The following KCTD5 variants were observed in gnomAD, a reference collection of about 807,000 sequenced individuals.
KCTD5 encodes the protein BTB/POZ domain-containing protein KCTD5.
KCTD5 carries 12 observed loss-of-function variants against 27.9 expected under a neutral mutation model. The ratio of observed to expected loss-of-function variants is 0.43; its 90% CI spans 0.28 to 0.70. KCTD5 has a LOEUF of 0.70. Ranked by LOEUF, KCTD5 falls within the 30% of genes least tolerant of loss-of-function variation. The probability of loss-of-function intolerance (pLI) is 0.19; values close to 1 mark genes in which losing one functional copy is unlikely to be tolerated. For synonymous variants in KCTD5, 147 were observed against 121.4 expected, an observed-to-expected ratio of 1.21 and a Z score of -1.39; for missense variants, 226 against 274.8, an observed-to-expected ratio of 0.82 and a Z score of 1.26.
chr16:2,706,742 C>A (rs898753282), intron 5 of KCTD5, among the ~76,000 whole-genome samples: 4 of 150,006 alleles, frequency 2.7e-5, no homozygotes, highest in Admixed American at 2.0e-4. Flanking sequence ...ATCCCCGCAG[C>A]GTGATCTGCA....
At chr16:2,704,499 C>A (rs1474281597) in intron 5 of KCTD5, among the ~76,000 whole-genome samples, 2 of 152,352 alleles carry the variant, frequency 1.3e-5, no homozygotes, top group African/African-American at 4.8e-5. Context: ...ACGCCAGTCC[C>A]TCAAGAACTT....
chr16:2,693,186 C>T (rs1461504486), intron 1 of KCTD5, among the ~76,000 whole-genome samples: 1 of 152,258 alleles, frequency 6.6e-6, no homozygotes, highest in Non-Finnish European at 1.5e-5. Context: ...ATCGGGGCCC[C>T]TCTCCACCCA....
Position 2,708,989 on chromosome 16 carries a change from A to C in KCTD5, c.*1662A>C, listed in dbSNP as rs931430025. 5.3e-5 allele frequency: 8 copies of C among 152,232 alleles called. No homozygotes were observed. The highest frequency in any genetic ancestry group is 1.9e-4 in the African/African-American group (8 of 41,444). 9.4% of individuals were successfully genotyped at this position (152,232 alleles called of 1,614,324 possible). A position where few individuals can be genotyped will look rare whatever the true frequency, so the allele number is the denominator to read the frequency against. ...TTATCAGCTTACAGTTTAATGCCTA[A>C]GTTTCCCCTGGAAATAGCAAATAAA... On this transcript the variant is annotated 3_prime_UTR_variant, in exon 6 of 6. Coordinates refer to ENST00000301738, the MANE Select transcript of KCTD5 (RefSeq NM_018992.4).
Position 2,702,619 on chromosome 16 carries a change from G to A in KCTD5, c.675+141G>A, listed in dbSNP as rs181320131. 169 of 1,155,584 alleles carry A rather than the reference G, an allele frequency of 1.5e-4. No homozygotes were observed. The East Asian group carries it at 4.3e-3, about 29-fold the overall frequency. The allele number at this position is 1,155,584 out of a possible 1,614,324, so 71.6% of individuals were successfully genotyped here. A position where few individuals can be genotyped will look rare whatever the true frequency, so the allele number is the denominator to read the frequency against. The stretch of plus-strand genomic sequence containing the variant: ...GGCCTTGCTGACTTCTTGGACACAC[G>A]GTCTCCCGTGGGACAGGTTCTCTCG... On this transcript the variant is annotated intron_variant, in intron 5 of 5. Coordinates refer to ENST00000301738, the MANE Select transcript of KCTD5 (RefSeq NM_018992.4).
At chr16:2,702,732 T>C (rs2067618067) in intron 5 of KCTD5, among the ~76,000 whole-genome samples, 1 of 152,112 alleles carries the variant, frequency 6.6e-6, no homozygotes, top group African/African-American at 2.4e-5. Context: ...GCAGGGGCCA[T>C]GCTCTTAGGA....
At chr16:2,691,675 G>T (rs928944749) in intron 1 of KCTD5, among the ~76,000 whole-genome samples, 2 of 152,162 alleles carry the variant, frequency 1.3e-5, no homozygotes, top group Admixed American at 6.5e-5. Context: ...GGGCGGCGGG[G>T]GTGTGGAGCG....
rs1285615168 is a variant in KCTD5 at position 2,682,642 on chromosome 16, C to T, written c.94C>T (p.Leu32Phe). 1.3e-6 allele frequency: 2 copies of T among 1,589,064 alleles called. No individual in the cohort carries two copies. The highest frequency in any genetic ancestry group is 1.7e-6 in the Non-Finnish European group (2 of 1,170,192). ...GGLCRRCSAGLGALAQRPGSV... is the reference protein window; with the variant it reads ...GGLCRRCSAGFGALAQRPGSV... ...CCTGTGCCGCCGCTGCAGCGCTGGG[C>T]TCGGCGCCCTGGCCCAGCGCCCTGG... The change falls in exon 1 of 6, where the codon CTC becomes TTC. Residue 32 changes from leucine (L) to phenylalanine (F), a missense_variant. Coordinates refer to ENST00000301738, the MANE Select transcript of KCTD5 (RefSeq NM_018992.4).
intron 5 of KCTD5, among the ~76,000 whole-genome samples, chr16:2,705,862 G>T (rs2067633350): frequency 6.6e-6 from 1 of 152,218 alleles, no homozygotes; most frequent in Non-Finnish European, 1.5e-5. Flanking sequence ...CAGCACTTTG[G>T]CTGCAGGTCT....
intron 1 of KCTD5, chr16:2,683,433 A>G (rs1451903346): frequency 6.6e-6 from 1 of 152,152 alleles, no homozygotes; most frequent in Non-Finnish European, 1.5e-5. Context: ...TGCTTTAGGG[A>G]TGTCCAGGAA....
intron 1 of KCTD5, among the ~76,000 whole-genome samples, chr16:2,692,916 G>A (rs2067572924): frequency 6.6e-6 from 1 of 152,292 alleles, no homozygotes; most frequent in African/African-American, 2.4e-5. Context: ...AGGGATGCCT[G>A]AGGCTGTGGT....
At position 2,707,550 on chromosome 16, in the gene KCTD5, CGCTG is replaced by C. The variant is rs1388411388; in HGVS notation, c.*224_*227del. On this transcript the variant is annotated 3_prime_UTR_variant, in exon 6 of 6. Transcript: ENST00000301738. ...TGGGGGAGCACGGCGGCCGGGTGGG[CGCTG>C]CCTCTTGGGGGGGCCTCGCTCTGTT... 57 of 652,790 alleles carry C rather than the reference CGCTG, an allele frequency of 8.7e-5. No individual in the cohort carries two copies. The highest frequency in any genetic ancestry group is 4.2e-4 in the Admixed American group (18 of 42,718). The allele number at this position is 652,790 out of a possible 1,614,324, so 40.4% of individuals were successfully genotyped here. A position where few individuals can be genotyped will look rare whatever the true frequency, so the allele number is the denominator to read the frequency against.
rs527328247 is a variant in KCTD5 at position 2,702,537 on chromosome 16, C to T, written c.675+59C>T. On this transcript the variant is annotated intron_variant, in intron 5 of 5. Coordinates refer to ENST00000301738, the MANE Select transcript of KCTD5 (RefSeq NM_018992.4). Reference sequence around the variant, plus strand: ...CTTGGGTGGGGAAGGCTCTTGCCCTCTCAGACCTTCCTCCTTTTCTGCCAT... The same window carrying T: ...CTTGGGTGGGGAAGGCTCTTGCCCTTTCAGACCTTCCTCCTTTTCTGCCAT... The T allele has an allele frequency of 4.1e-4, 649 of 1,578,220 alleles. 5 individuals carry two copies. The South Asian group carries it at 6.6e-3, about 16-fold the overall frequency.
At chr16:2,704,018 C>T (rs143731909) in intron 5 of KCTD5, among the ~76,000 whole-genome samples, 1 of 152,342 alleles carries the variant, frequency 6.6e-6, no homozygotes, top group Non-Finnish European at 1.5e-5. Flanking sequence ...TAACCAAGCT[C>T]CCCTGGGCTC....
chr16:2,688,466 G>A (rs1418134558), intron 1 of KCTD5, among the ~76,000 whole-genome samples: 3 of 152,032 alleles, frequency 2.0e-5, no homozygotes, highest in East Asian at 3.9e-4. Flanking sequence ...GGCCAGGCTG[G>A]TCTCGAACTC....
chr16:2,699,288 A>C (rs1420874470), intron 3 of KCTD5: 1 of 450,752 alleles, frequency 2.2e-6, no homozygotes, highest in Admixed American at 2.4e-5. Flanking sequence ...AGCTGCCTGG[A>C]GGGGCACAGC....
Position 2,691,195 on chromosome 16 carries a change from C to T in KCTD5, c.253-4740C>T, listed in dbSNP as rs577726144. On this transcript the variant is annotated intron_variant, in intron 1 of 5. Transcript: ENST00000301738. ...TGGCACTTCCTATGGATGTGGAAAT[C>T]TCTCATTGAAAGCTTCAAAGAGAGC... is the stretch of plus-strand genomic sequence containing the variant. 6.6e-5 allele frequency among the ~76,000 whole-genome samples: 10 copies of T among 152,324 alleles called. No individual in the cohort carries two copies. In the South Asian group the frequency reaches 1.0e-3, roughly 16 times the overall value.
intron 2 of KCTD5, 72 bp from the exon 3 acceptor site, chr16:2,697,834 G>T: frequency 9.3e-7 from 1 of 1,072,722 alleles, no homozygotes; most frequent in Non-Finnish European, 1.4e-6. Context: ...GCAAGGGCAG[G>T]GGTGGGTGTA....
intron 4 of KCTD5, among the ~76,000 whole-genome samples, chr16:2,701,270 T>A (rs1040530455): frequency 1.3e-5 from 2 of 152,176 alleles, no homozygotes; most frequent in East Asian, 3.9e-4. Flanking sequence ...ACGACCTGCT[T>A]GGCACGCTTC....
At chr16:2,706,465 C>T (rs914420727) in intron 5 of KCTD5, among the ~76,000 whole-genome samples, 4 of 152,132 alleles carry the variant, frequency 2.6e-5, no homozygotes, top group East Asian at 1.9e-4. Context: ...TGCTCGGGAG[C>T]GTGGGGTGAT....
Sources: allele counts gnomAD v4.1 joint callset (sites outside exome capture counted in the v4.1 genomes callset), GRCh38; gene constraint gnomAD v4.1.1; transcripts MANE v1.5; gene names NCBI Gene and HGNC (gene_info 2026-07-23, HGNC 2026-07-21).